The following ECT2L variants were observed in gnomAD, a reference collection of about 807,000 sequenced individuals.
ECT2L encodes the protein epithelial cell transforming 2 like, also known as epithelial cell-transforming sequence 2 oncogene-like.
Under a neutral mutation model 122.8 loss-of-function variants are expected in ECT2L, and 126 were observed. The observed-to-expected ratio is 1.03, with a 90% CI of 0.89 to 1.19. The LOEUF is 1.19. Ranked by LOEUF, ECT2L falls within the 50% of genes most tolerant of loss-of-function variation. The pLI, the probability that ECT2L is intolerant of heterozygous loss-of-function variation, is 0.00. For synonymous variants in ECT2L, 385 were observed against 381.8 expected, an observed-to-expected ratio of 1.01 and a Z score of -0.10; for missense variants, 1,012 against 1,064.1, an observed-to-expected ratio of 0.95 and a Z score of 0.68.
At chr6:138,825,990 A>C (rs1476598104) in intron 4 of ECT2L, among the ~76,000 whole-genome samples, 4 of 152,230 alleles carry the variant, frequency 2.6e-5, no homozygotes, top group Non-Finnish European at 5.9e-5. Flanking sequence ...AATGCATTAC[A>C]GTCAATCCAG....
At chr6:138,869,195 C>T (rs1290765667) in intron 13 of ECT2L, among the ~76,000 whole-genome samples, 1 of 152,202 alleles carries the variant, frequency 6.6e-6, no homozygotes, top group African/African-American at 2.4e-5. Flanking sequence ...GAAAAGGCAA[C>T]GTGCAGCTCT....
intron 20 of ECT2L, among the ~76,000 whole-genome samples, chr6:138,898,927 G>T (rs964391180): frequency 1.3e-5 from 2 of 152,030 alleles, no homozygotes; most frequent in Non-Finnish European, 2.9e-5. Flanking sequence ...TACCATAAGA[G>T]ATTAACAATA....
rs779930385 is a variant in ECT2L at position 138,901,003 on chromosome 6, G to A, written c.2470G>A (p.Val824Ile). The A allele has an allele frequency of 2.5e-5, 40 of 1,613,978 alleles. No individual in the cohort carries two copies. The highest frequency in any genetic ancestry group is 8.3e-5 in the Admixed American group (5 of 59,984). ...SLFLFNDALL[V>I]SSRGTSHTPF... ...TTTCCTCTTCAATGATGCCCTGCTC[G>A]TTTCTAGTCGGGGCACATCTCACAC... The change falls in exon 21 of 22, where the codon GTT (valine) becomes ATT (isoleucine). Residue 824 changes from valine to isoleucine, a missense_variant. Physicochemically the swap from Val to Ile is conservative, Grantham distance 29. Coordinates refer to ENST00000541398, the MANE Select transcript of ECT2L (RefSeq NM_001077706.3).
chr6:138,829,731 C>CTT (rs61251928), intron 4 of ECT2L, among the ~76,000 whole-genome samples: 14,061 of 149,770 alleles, frequency 0.094, 886 homozygotes, highest in East Asian at 0.27. Context: ...TTTTTTTTTC[C>CTT]TTTTTTTTTG....
chr6:138,892,309 G>A (rs548661151), intron 20 of ECT2L, among the ~76,000 whole-genome samples: 131 of 152,100 alleles, frequency 8.6e-4, no homozygotes, highest in Non-Finnish European at 1.6e-3. Context: ...CTTTCTTAGA[G>A]TTTTGGTCTC....
intron 13 of ECT2L, chr6:138,870,375 G>A (rs1299882980): frequency 6.6e-6 from 1 of 152,590 alleles, no homozygotes; most frequent in Non-Finnish European, 1.5e-5. Flanking sequence ...AGGCACATGT[G>A]ATAAAGAAAT....
In ECT2L at chr6:138,802,074, C is replaced by A. The variant is rs150136780; in HGVS notation, c.-244+5882C>A. On this transcript the variant is annotated intron_variant, in intron 1 of 21. Coordinates refer to ENST00000541398, the MANE Select transcript of ECT2L (RefSeq NM_001077706.3). ...TTGCCTGCCCGCTCTTGCTCTCTTG[C>A]TCACTCACTTGGGTGGAAGTGAGTT... Among the ~76,000 whole-genome samples the A allele has an allele frequency of 5.2e-3, 790 of 152,340 alleles. 5 individuals are homozygous for A. The highest frequency in any genetic ancestry group is 0.031 in the Middle Eastern group (9 of 294).
At chr6:138,859,276 C>G (rs59171497) in intron 10 of ECT2L, among the ~76,000 whole-genome samples, 11 of 152,200 alleles carry the variant, frequency 7.2e-5, no homozygotes, top group Non-Finnish European at 1.3e-4. Flanking sequence ...ACATTCTACA[C>G]GTATACCACA....
chr6:138,845,119 G>A lies in ECT2L; in HGVS notation c.764+539G>A, dbSNP rs371055064. ...AATTCTTTTATAATAGAGAAACATC[G>A]GCTGTATTCAGTTACCAAATCATAC... On this transcript the variant is annotated intron_variant, in intron 7 of 21. Coordinates refer to ENST00000541398, the MANE Select transcript of ECT2L (RefSeq NM_001077706.3). Among the ~76,000 whole-genome samples, 26 of 151,900 alleles carry A rather than the reference G, an allele frequency of 1.7e-4. No individual in the cohort carries two copies. In the East Asian group the frequency reaches 1.7e-3, roughly 10 times the overall value.
intron 4 of ECT2L, among the ~76,000 whole-genome samples, chr6:138,833,624 G>A (rs566016283): frequency 3.3e-5 from 5 of 152,092 alleles, no homozygotes; most frequent in South Asian, 2.1e-4. Context: ...CCAACGTGAC[G>A]AAACCCTGTC....
In ECT2L at chr6:138,860,820, G is replaced by A. The variant is rs539439231; in HGVS notation, c.1199-1807G>A. Among the ~76,000 whole-genome samples the A allele has an allele frequency of 6.2e-4, 94 of 150,574 alleles. 1 individual carries two copies. The South Asian group carries it at 0.019, about 30-fold the overall frequency. On this transcript the variant is annotated intron_variant, in intron 10 of 21. Coordinates refer to ENST00000541398, the MANE Select transcript of ECT2L (RefSeq NM_001077706.3). ...GGTTTGCTGCACTTATCAACCCGTC[G>A]TCTAGGTTTTAAGCCCTGCACGCAT...
intron 15 of ECT2L, 64 bp from the exon 16 acceptor site, chr6:138,882,660 G>C: frequency 3.2e-6 from 5 of 1,584,216 alleles, no homozygotes; most frequent in Non-Finnish European, 4.3e-6. Flanking sequence ...GATGACAATG[G>C]ATATTTGGGT....
chr6:138,867,844 A>AATAAATAC, intron 12 of ECT2L, among the ~76,000 whole-genome samples: 1 of 151,212 alleles, frequency 6.6e-6, no homozygotes, highest in Non-Finnish European at 1.5e-5. Flanking sequence ...TAAATAAATA[A>AATAAATAC]ATAAAAGTTA....
At position 138,815,635 on chromosome 6, in the gene ECT2L, A is replaced by G. The variant is rs2128374633; in HGVS notation, c.179+1032A>G. 2.0e-5 allele frequency among the ~76,000 whole-genome samples: 3 copies of G among 152,344 alleles called. 1 individual carries two copies. In the South Asian group the frequency reaches 6.2e-4, roughly 32 times the overall value. ...AAAGAGCTGGGACTTCATCAGTCCTACAGAGGAGACTGTGTGAAGTTGTTT... is the reference window on the plus strand; with the variant it reads ...AAAGAGCTGGGACTTCATCAGTCCTGCAGAGGAGACTGTGTGAAGTTGTTT... On this transcript the variant is annotated intron_variant, in intron 4 of 21. Transcript: ENST00000541398.
intron 1 of ECT2L, among the ~76,000 whole-genome samples, chr6:138,801,706 G>C (rs1196281890): frequency 3.9e-5 from 6 of 152,138 alleles, no homozygotes; most frequent in African/African-American, 1.4e-4. Flanking sequence ...AGTGAGCCAA[G>C]ATCATGCCAC....
intron 10 of ECT2L, among the ~76,000 whole-genome samples, chr6:138,854,764 G>A (rs1379570075): frequency 1.3e-5 from 2 of 152,200 alleles, no homozygotes; most frequent in Non-Finnish European, 2.9e-5. Context: ...GGCTAATGAT[G>A]ACTGAGGTTG....
intron 10 of ECT2L, among the ~76,000 whole-genome samples, chr6:138,859,810 C>CTT (rs36087999): frequency 4.2e-4 from 61 of 145,944 alleles, no homozygotes; most frequent in African/African-American, 1.3e-3. Flanking sequence ...AAGCACAGTT[C>CTT]TTTTTTTTTT....
intron 4 of ECT2L, among the ~76,000 whole-genome samples, chr6:138,818,282 T>C (rs895348922): frequency 6.6e-6 from 1 of 152,116 alleles, no homozygotes; most frequent in Non-Finnish European, 1.5e-5. Context: ...AGACTTGAAA[T>C]GGGGTTGGAG....
In ECT2L at chr6:138,876,486, A is replaced by T; in HGVS notation, c.1593A>T (p.Val531=). ...TCAATCTTCAGGAAAGAAATGTTGT[A>T]GAAGACAATTCTTGGGACACAAAGT... ...LSKEDSERNV[V]EDNSWDTKSR... The change falls in exon 14 of 22, where the codon GTA becomes GTT. Residue 531 remains valine (V), a synonymous_variant. Transcript: ENST00000541398. 6.2e-7 allele frequency: 1 copy of T among 1,611,226 alleles called. No individual in the cohort carries two copies. The highest frequency in any genetic ancestry group is 1.1e-5 in the South Asian group (1 of 90,650).
Sources: allele counts gnomAD v4.1 joint callset (sites outside exome capture counted in the v4.1 genomes callset), GRCh38; gene constraint gnomAD v4.1.1; transcripts MANE v1.5; gene names NCBI Gene and HGNC (gene_info 2026-07-23, HGNC 2026-07-21).